The following CARMIL2 variants were observed in gnomAD, a reference collection of about 807,000 sequenced individuals.
CARMIL2 encodes the protein capping protein regulator and myosin 1 linker 2, also known as capping protein, Arp2/3 and myosin-I linker protein 2.
Under a neutral mutation model 173.3 loss-of-function variants are expected in CARMIL2, and 96 were observed. The ratio of observed to expected loss-of-function variants is 0.55; its 90% CI spans 0.47 to 0.66. The LOEUF (loss-of-function observed/expected upper bound fraction) is 0.66, where lower values mean the gene tolerates loss of function less well. Among genes scored for constraint, CARMIL2 ranks in the 30% least tolerant of loss-of-function variants. The pLI, the probability that CARMIL2 is intolerant of heterozygous loss-of-function variation, is 0.00. For missense variants in CARMIL2, 1,771 were observed against 1,906.7 expected (o/e 0.93, Z 1.33); for synonymous variants, 830 against 817.1 (o/e 1.02, Z -0.27).
In CARMIL2 at chr16:67,651,381, T is replaced by C. The variant is rs750010279; in HGVS notation, c.2314-20T>C. 49 of 1,597,006 alleles carry C rather than the reference T, an allele frequency of 3.1e-5. No individual in the cohort carries two copies. Among genetic ancestry groups the C allele is most frequent in the Non-Finnish European group, 4.2e-5 (49 of 1,168,600 alleles). The stretch of plus-strand genomic sequence containing the variant: ...TAGTCAGGTGTCAGCTCGCAACTGC[T>C]TTTCCTCTTTGGCCCTCAGATTCTC... On this transcript the variant is annotated intron_variant, in intron 23 of 37. Coordinates refer to ENST00000334583, the MANE Select transcript of CARMIL2 (RefSeq NM_001013838.3). This position sits in a 1 kb window ranked among gnomAD's most constrained non-coding sequence, Gnocchi z 4.2.
intron 29 of CARMIL2, 35 bp from the exon 30 acceptor site, chr16:67,654,114 T>G: frequency 2.4e-6 from 2 of 834,496 alleles, no homozygotes; most frequent in Non-Finnish European, 3.5e-6. Flanking sequence ...AGAGTTGCAC[T>G]CAACCCTGAC....
intron 1 of CARMIL2, 42 bp downstream of exon 1, chr16:67,645,328 AG>A (rs1428476150): frequency 1.3e-6 from 2 of 1,575,796 alleles, no homozygotes; most frequent in Admixed American, 3.6e-5. Flanking sequence ...GGGAGGAAGT[AG>A]TGCAGCCCCA....
In CARMIL2 at chr16:67,657,429, C is replaced by T. The variant is rs1012789108; in HGVS notation, c.4219C>T (p.Leu1407=). Residue 1407 remains leucine (L), a synonymous_variant, in exon 38 of 38, where the codon CTG becomes TTG. Transcript: ENST00000334583. The surrounding 1 kb of genome is among the most constrained non-coding windows in gnomAD (Gnocchi z 4.5). ...SLGSGLGTEP[L]PPQPTEPSSP... ...AGGATCTGGCCTTGGAACCGAGCCT[C>T]TGCCCCCACAGCCCACAGAGCCCTC... is the stretch of plus-strand genomic sequence containing the variant. 4.4e-6 allele frequency: 7 copies of T among 1,608,926 alleles called. No individual in the cohort carries two copies. Among genetic ancestry groups the T allele is most frequent in the Non-Finnish European group, 5.1e-6 (6 of 1,177,744 alleles).
At chr16:67,655,791 T>A (rs1218409962) in intron 32 of CARMIL2, among the ~76,000 whole-genome samples, 1 of 152,116 alleles carries the variant, frequency 6.6e-6, no homozygotes, top group Non-Finnish European at 1.5e-5. Context: ...CAGCCCTCCA[T>A]ACCATCCATT....
Position 67,648,751 on chromosome 16 carries a change from C to A in CARMIL2, c.1506C>A (p.Cys502Ter). 4 of 1,601,496 alleles carry A rather than the reference C, an allele frequency of 2.5e-6. No individual in the cohort carries two copies. Among genetic ancestry groups the A allele is most frequent in the South Asian group, 1.1e-5 (1 of 88,884 alleles). ...LRDLHLDLSA[C>*]ELRSAGAQVI... Reference sequence around the variant, plus strand: ...ACCTGCACCTGGACCTCAGCGCTTGCGAGGTGAGCGCCGGCCCCCAGAAGA... The same window carrying A: ...ACCTGCACCTGGACCTCAGCGCTTGAGAGGTGAGCGCCGGCCCCCAGAAGA... Residue 502 changes from cysteine to a stop codon, truncating the protein, a stop_gained, in exon 16 of 38, where the codon TGC becomes TGA. Coordinates refer to ENST00000334583, the MANE Select transcript of CARMIL2 (RefSeq NM_001013838.3). LOFTEE classifies it high-confidence loss of function. This position sits in a 1 kb window ranked among gnomAD's most constrained non-coding sequence, Gnocchi z 6.1.
intron 22 of CARMIL2, 125 bp downstream of exon 22, chr16:67,650,275 C>A: frequency 2.7e-6 from 2 of 729,692 alleles, no homozygotes; most frequent in Non-Finnish European, 2.3e-6. Context: ...CTGTCCCACA[C>A]AAAGTCCCTC....
At position 67,657,115 on chromosome 16, in the gene CARMIL2, A is replaced by C; in HGVS notation, c.4118-124A>C. The C allele has an allele frequency of 1.1e-6, 1 of 911,446 alleles. No individual in the cohort carries two copies. The highest frequency in any genetic ancestry group is 1.7e-6 in the Non-Finnish European group (1 of 582,554). The allele number at this position is 911,446 out of a possible 1,614,324, so 56.5% of individuals were successfully genotyped here. On this transcript the variant is annotated intron_variant, in intron 36 of 37. Transcript: ENST00000334583. This position sits in a 1 kb window ranked among gnomAD's most constrained non-coding sequence, Gnocchi z 4.5. ...AGGGGTGAGGACGCAGGGACGGGGG[A>C]TGCTCTGAAGGCAGCAGTGTGTGTG...
intron 11 of CARMIL2, 21 bp downstream of exon 11, chr16:67,647,623 C>T (rs766044502): frequency 1.1e-5 from 17 of 1,604,876 alleles, no homozygotes; most frequent in African/African-American, 6.7e-5. Context: ...GCCTGGGGAC[C>T]GCAGGGGTGG....
chr16:67,651,313 A>G lies in CARMIL2; in HGVS notation c.2311A>G (p.Ser771Gly). Reference protein sequence around the residue: ...DAIQNANFSLSILPILYEAGS... With the variant: ...DAIQNANFSLGILPILYEAGS... ...CATCCAAAATGCCAACTTCTCTCTC[A>G]GCGTGAGCACTCCCCCTCCTGCTAC... Residue 771 changes from serine (S) to glycine (G), a missense_variant and splice_region_variant, in exon 23 of 38, where the codon AGC becomes GGC. Coordinates refer to ENST00000334583, the MANE Select transcript of CARMIL2 (RefSeq NM_001013838.3). The surrounding 1 kb of genome is among the most constrained non-coding windows in gnomAD (Gnocchi z 4.2). 1 of 1,613,454 alleles carries G rather than the reference A, an allele frequency of 6.2e-7. No individual in the cohort carries two copies. Among genetic ancestry groups the G allele is most frequent in the East Asian group, 2.2e-5 (1 of 44,860 alleles).
chr16:67,653,551 C>T lies in CARMIL2; in HGVS notation c.3120+297C>T, dbSNP rs1567634482. On this transcript the variant is annotated intron_variant, in intron 29 of 37. Transcript: ENST00000334583. The surrounding 1 kb of genome is among the most constrained non-coding windows in gnomAD (Gnocchi z 7.4). ...GAGAGGGTGTCCGTCCTCCCTCCCTCCCCCGGGGCTGCTGAGAGATGCCGG... is the reference window on the plus strand; with the variant it reads ...GAGAGGGTGTCCGTCCTCCCTCCCTTCCCCGGGGCTGCTGAGAGATGCCGG... Among the ~76,000 whole-genome samples, 1 of 152,144 alleles carries T rather than the reference C, an allele frequency of 6.6e-6. No homozygotes were observed. The highest frequency in any genetic ancestry group is 1.5e-5 in the Non-Finnish European group (1 of 68,006).
At position 67,656,468 on chromosome 16, in the gene CARMIL2, G is replaced by A; in HGVS notation, c.3859G>A (p.Ala1287Thr). 6.2e-7 allele frequency: 1 copy of A among 1,611,754 alleles called. No individual in the cohort carries two copies. Among genetic ancestry groups the A allele is most frequent in the Non-Finnish European group, 8.5e-7 (1 of 1,178,790 alleles). The stretch of plus-strand genomic sequence containing the variant: ...CCCAGGGAGCCAGGGGCCTGAGTCT[G>A]CCACCTGGAAGACACTGGGGCAGCA... The part of the protein sequence containing the change: ...PGPGSQGPES[A>T]TWKTLGQQLN... The change falls in exon 35 of 38, where the codon GCC (alanine) becomes ACC (threonine). Residue 1287 changes from alanine (A) to threonine (T), a missense_variant. Physicochemically the swap from Ala to Thr is moderately conservative, Grantham distance 58 (BLOSUM62 0). Transcript: ENST00000334583.
Position 67,651,369 on chromosome 16 carries a change from G to A in CARMIL2, c.2314-32G>A. 1 of 1,601,434 alleles carries A rather than the reference G, an allele frequency of 6.2e-7. No individual in the cohort carries two copies. The highest frequency in any genetic ancestry group is 1.7e-5 in the Admixed American group (1 of 59,330). On this transcript the variant is annotated intron_variant, in intron 23 of 37. Transcript: ENST00000334583. This position sits in a 1 kb window ranked among gnomAD's most constrained non-coding sequence, Gnocchi z 4.2. ...CCCTTCCCCTCTTAGTCAGGTGTCA[G>A]CTCGCAACTGCTTTTCCTCTTTGGC...
chr16:67,654,318 G>A lies in CARMIL2; in HGVS notation c.3222-14G>A. 1 of 1,587,374 alleles carries A rather than the reference G, an allele frequency of 6.3e-7. No homozygotes were observed. The highest frequency in any genetic ancestry group is 8.6e-7 in the Non-Finnish European group (1 of 1,166,996). On this transcript the variant is annotated splice_polypyrimidine_tract_variant and intron_variant, in intron 30 of 37. Coordinates refer to ENST00000334583, the MANE Select transcript of CARMIL2 (RefSeq NM_001013838.3). ...CTGATGGGCTTTCTCGCTCACTGCT[G>A]GGTGTCCCCACAGCTGGGCCCCCGA...
At chr16:67,650,014 G>C (rs369263440) in intron 21 of CARMIL2, 35 bp from the exon 22 acceptor site, 5 of 1,613,456 alleles carry the variant, frequency 3.1e-6, no homozygotes, top group Admixed American at 1.7e-5. Context: ...CGGTAACTCC[G>C]TCCCTCGGCA....
chr16:67,651,465 T>C lies in CARMIL2; in HGVS notation c.2378T>C (p.Leu793Pro). The change falls in exon 24 of 38, where the codon CTG (leucine) becomes CCG (proline). Residue 793 changes from leucine to proline, a missense_variant. By Grantham distance (98) the Leu-to-Pro change is moderately conservative. Around this residue, in one of 3 missense-constraint regions of CARMIL2, gnomAD observed 817 missense variants for 903.5 expected, o/e 0.90. Coordinates refer to ENST00000334583, the MANE Select transcript of CARMIL2 (RefSeq NM_001013838.3). This position sits in a 1 kb window ranked among gnomAD's most constrained non-coding sequence, Gnocchi z 4.2. ...CATCACTGGCAGCTTGGGCAGAAGC[T>C]GGAGGGCCTTCTGAGACAGGTGGGC... ...PSHHWQLGQK[L>P]EGLLRQVGEV... 1.9e-6 allele frequency: 3 copies of C among 1,600,094 alleles called. No individual in the cohort carries two copies. The highest frequency in any genetic ancestry group is 1.1e-5 in the South Asian group (1 of 89,046).
At position 67,647,912 on chromosome 16, in the gene CARMIL2, A is replaced by G; in HGVS notation, c.1025A>G (p.Asp342Gly). The stretch of plus-strand genomic sequence containing the variant: ...TTCGACTCCACCCTGACCCACCTGG[A>G]CCTTTCTGGGAATCCTGGGGCGCTG... Reference protein sequence around the residue: ...AAFDSTLTHLDLSGNPGALGA... With the variant: ...AAFDSTLTHLGLSGNPGALGA... The change falls in exon 13 of 38, where the codon GAC becomes GGC. Residue 342 changes from aspartate to glycine, a missense_variant. Asp to Gly is a moderately conservative substitution (Grantham distance 94). This residue lies in a region of CARMIL2 where 944 missense variants were observed against 975.6 expected (regional missense o/e 0.97). Transcript: ENST00000334583. 6.2e-7 allele frequency: 1 copy of G among 1,611,346 alleles called. No homozygotes were observed. The highest frequency in any genetic ancestry group is 8.5e-7 in the Non-Finnish European group (1 of 1,178,786).
At position 67,648,829 on chromosome 16, in the gene CARMIL2, C is replaced by T. The variant is rs1364589523; in HGVS notation, c.1510-64C>T. On this transcript the variant is annotated intron_variant, in intron 16 of 37. Transcript: ENST00000334583. The surrounding 1 kb of genome is among the most constrained non-coding windows in gnomAD (Gnocchi z 6.1). ...GGCGGAAGGGCAGGGCCGTGGGCCG[C>T]CTGCCCCTCCCCACTCGCGGCCTAA... The T allele has an allele frequency of 6.4e-7, 1 of 1,568,158 alleles. No homozygotes were observed.
chr16:67,652,201 G>A lies in CARMIL2; in HGVS notation c.2679G>A (p.Val893=), dbSNP rs1227568316. The A allele has an allele frequency of 6.2e-7, 1 of 1,612,100 alleles. No individual in the cohort carries two copies. The highest frequency in any genetic ancestry group is 1.7e-5 in the Admixed American group (1 of 60,012). The change falls in exon 27 of 38, where the codon GTG becomes GTA. Residue 893 remains valine (V), a splice_region_variant and synonymous_variant. Coordinates refer to ENST00000334583, the MANE Select transcript of CARMIL2 (RefSeq NM_001013838.3). The surrounding 1 kb of genome is among the most constrained non-coding windows in gnomAD (Gnocchi z 4.7). ...AGLSAARDQL[V]ESLAQQATVT... is the part of the protein sequence containing the mutation. ...TCTTTGGCTGCTTGGTATTGCAGGT[G>A]GAGAGTCTGGCTCAGCAGGCAACAG...
In CARMIL2 at chr16:67,651,283, G is replaced by A. The variant is rs749167360; in HGVS notation, c.2281G>A (p.Asp761Asn). The A allele has an allele frequency of 6.2e-7, 1 of 1,613,492 alleles. No homozygotes were observed. The highest frequency in any genetic ancestry group is 8.5e-7 in the Non-Finnish European group (1 of 1,179,870). ...QGEAAVRQAE[D>N]AIQNANFSLS... Reference sequence around the variant, plus strand: ...TGAAGCCGCTGTGCGCCAGGCCGAGGATGCCATCCAAAATGCCAACTTCTC... The same window carrying A: ...TGAAGCCGCTGTGCGCCAGGCCGAGAATGCCATCCAAAATGCCAACTTCTC... Residue 761 changes from aspartate to asparagine, a missense_variant, in exon 23 of 38, where the codon GAT becomes AAT. Physicochemically the swap from Asp to Asn is conservative, Grantham distance 23. This residue lies in a region of CARMIL2 where 817 missense variants were observed against 903.5 expected (regional missense o/e 0.90). Coordinates refer to ENST00000334583, the MANE Select transcript of CARMIL2 (RefSeq NM_001013838.3). The surrounding 1 kb of genome is among the most constrained non-coding windows in gnomAD (Gnocchi z 4.2).
Sources: gnomAD v4.1 joint callset for allele counts (sites outside exome capture counted in the v4.1 genomes callset) on GRCh38, gnomAD v4.1.1 for gene constraint, gnomAD v4.1.1 regional missense constraint, Gnocchi (gnomAD v3.1) non-coding constraint, MANE v1.5 for transcripts, NCBI Gene and HGNC (gene_info 2026-07-23, HGNC 2026-07-21) for gene names.